The following DGKK variants were observed in gnomAD, a reference collection of about 807,000 sequenced individuals.
DGKK encodes diacylglycerol kinase kappa.
Under a neutral mutation model 92.2 loss-of-function variants are expected in DGKK, and 35 were observed. That is an observed-to-expected ratio of 0.38 (90% CI 0.29 to 0.50). The LOEUF is 0.50. Ranked by LOEUF, DGKK falls within the 20% of genes least tolerant of loss-of-function variation. DGKK has a pLI of 0.92. For synonymous variants in DGKK, 368 were observed against 360.6 expected, an observed-to-expected ratio of 1.02 and a Z score of -0.23; for missense variants, 910 against 992.2, an observed-to-expected ratio of 0.92 and a Z score of 1.11.
chrX:50,375,074 G>A lies in DGKK; in HGVS notation c.3415-17C>T, dbSNP rs1241296861. Reference sequence around the variant, plus strand: ...GCTTAGAGTCTGAGAGGAAAAGAACGGAAAAGGAGAGAAAAAGACAAAGAC... The same window carrying A: ...GCTTAGAGTCTGAGAGGAAAAGAACAGAAAAGGAGAGAAAAAGACAAAGAC... On this transcript the variant is annotated splice_polypyrimidine_tract_variant and intron_variant, in intron 24 of 27. Transcript: ENST00000611977. 5.2e-6 allele frequency: 6 copies of A among 1,158,513 alleles called. No homozygotes were observed. The highest frequency in any genetic ancestry group is 3.0e-5 in the East Asian group (1 of 33,346).
chrX:50,462,030 T>C (rs1557233409), intron 1 of DGKK, among the ~76,000 whole-genome samples: 1 of 111,698 alleles, frequency 9.0e-6, no homozygotes, highest in African/African-American at 3.3e-5. Context: ...AGCAAGAGTG[T>C]CACTGCTTTT....
chrX:50,458,039 CTTTCTT>C (rs781894903), intron 1 of DGKK, among the ~76,000 whole-genome samples: 1 of 110,830 alleles, frequency 9.0e-6, no homozygotes, highest in Non-Finnish European at 1.9e-5. Flanking sequence ...TTGTTTCTTT[CTTTCTT>C]TTTCTTTTTC....
rs59226442 is a variant in DGKK at position 50,422,597 on chromosome X, A to AACACAC, written c.757-77_757-72dup. 2,596 of 349,305 alleles carry AACACAC rather than the reference A, an allele frequency of 7.4e-3. 12 individuals carry two copies. Among genetic ancestry groups the AACACAC allele is most frequent in the African/African-American group, 0.02 (613 of 31,009 alleles). 28.8% of individuals were successfully genotyped at this position (349,305 alleles called of 1,213,427 possible). On this transcript the variant is annotated intron_variant, in intron 2 of 27. Transcript: ENST00000611977. ...TGATGCAAAGAGACATTAAAAGGTA[A>AACACAC]ACACACACACACACACACACACACA...
chrX:50,416,043 T>C, intron 4 of DGKK, among the ~76,000 whole-genome samples: 1 of 111,152 alleles, frequency 9.0e-6, no homozygotes, highest in Non-Finnish European at 1.9e-5. Context: ...ATGAATGAGA[T>C]TAGCACTCTT....
At chrX:50,468,257 G>A (rs186846327) in intron 1 of DGKK, among the ~76,000 whole-genome samples, 1 of 112,041 alleles carries the variant, frequency 8.9e-6, no homozygotes, top group East Asian at 2.8e-4. Flanking sequence ...GAGGCCAAAG[G>A]GGAGATGCAT....
intron 7 of DGKK, among the ~76,000 whole-genome samples, chrX:50,401,633 T>A (rs913842108): frequency 3.6e-5 from 4 of 111,136 alleles, no homozygotes; most frequent in African/African-American, 1.3e-4. Flanking sequence ...GAGACTCTGC[T>A]GCCTTTCCCA....
At chrX:50,423,083 G>A (rs1042209666) in intron 2 of DGKK, among the ~76,000 whole-genome samples, 2 of 112,358 alleles carry the variant, frequency 1.8e-5, no homozygotes. Flanking sequence ...CCCATGTTCA[G>A]AAGGGCCTCA....
At chrX:50,394,227 C>G (rs1875269763) in intron 8 of DGKK, among the ~76,000 whole-genome samples, 1 of 111,932 alleles carries the variant, frequency 8.9e-6, no homozygotes, top group African/African-American at 3.3e-5. Context: ...ATGTGGCTCA[C>G]TCCTCAGTGG....
chrX:50,405,687 G>A (rs782369497), intron 4 of DGKK, among the ~76,000 whole-genome samples: 21 of 111,575 alleles, frequency 1.9e-4, no homozygotes, highest in Non-Finnish European at 3.2e-4. Flanking sequence ...TGCTGGTTAC[G>A]TGCTAAGCTA....
chrX:50,389,817 C>T (rs1924638967), intron 12 of DGKK, among the ~76,000 whole-genome samples: 1 of 110,462 alleles, frequency 9.1e-6, no homozygotes, highest in African/African-American at 3.3e-5. Flanking sequence ...ACACGCTGTT[C>T]CATCTGTGTG....
chrX:50,371,909 C>A, intron 25 of DGKK, 75 bp from the exon 26 acceptor site: 2 of 646,714 alleles, frequency 3.1e-6, no homozygotes, highest in Non-Finnish European at 2.4e-6. Flanking sequence ...CCCCCACTCC[C>A]AGTCCCTGCT....
At chrX:50,461,780 C>A (rs141812873) in intron 1 of DGKK, among the ~76,000 whole-genome samples, 1,872 of 111,997 alleles carry the variant, frequency 0.017, 20 homozygotes, top group Non-Finnish European at 0.025. Context: ...TATCAGTTTA[C>A]GTTTTAAAGA....
At chrX:50,377,868 G>A (rs1452959425) in intron 22 of DGKK, among the ~76,000 whole-genome samples, 1 of 111,405 alleles carries the variant, frequency 9.0e-6, no homozygotes, top group Non-Finnish European at 1.9e-5. Context: ...AGAGTGTCTT[G>A]AGGAGCCTGT....
chrX:50,433,830 A>C (rs1925952460), intron 1 of DGKK, among the ~76,000 whole-genome samples: 2 of 111,181 alleles, frequency 1.8e-5, no homozygotes, highest in African/African-American at 6.5e-5. Flanking sequence ...CTAGAAAAGA[A>C]GCGTTTTGGT....
intron 1 of DGKK, among the ~76,000 whole-genome samples, chrX:50,459,390 G>A (rs945056598): frequency 3.6e-5 from 4 of 110,892 alleles, no homozygotes; most frequent in Non-Finnish European, 5.7e-5. Flanking sequence ...GTCTACCTTT[G>A]TGTTTCATCA....
At chrX:50,452,524 T>G (rs1926519334) in intron 1 of DGKK, among the ~76,000 whole-genome samples, 1 of 112,027 alleles carries the variant, frequency 8.9e-6, no homozygotes, top group Non-Finnish European at 1.9e-5. Flanking sequence ...TCCAACTTGC[T>G]GTGACAACAC....
intron 1 of DGKK, among the ~76,000 whole-genome samples, chrX:50,429,043 G>A (rs7891890): frequency 0.066 from 7,364 of 111,618 alleles, 592 homozygotes; most frequent in African/African-American, 0.23. Flanking sequence ...ACAAGCAAAT[G>A]CATCCTGCCA....
At chrX:50,420,571 G>T (rs1312998793) in intron 3 of DGKK, 64 bp from the exon 4 acceptor site, 7 of 980,586 alleles carry the variant, frequency 7.1e-6, no homozygotes, top group Non-Finnish European at 1.0e-5. Flanking sequence ...AACACAGTCT[G>T]TGAACTCTCT....
chrX:50,452,925 A>T (rs1241758950), intron 1 of DGKK, among the ~76,000 whole-genome samples: 1 of 111,552 alleles, frequency 9.0e-6, no homozygotes, highest in Non-Finnish European at 1.9e-5. Context: ...GTGTGTTTTT[A>T]ATCTCTTAGG....
Sources: gnomAD v4.1 joint callset for allele counts (sites outside exome capture counted in the v4.1 genomes callset) on GRCh38, gnomAD v4.1.1 for gene constraint, MANE v1.5 for transcripts, NCBI Gene and HGNC (gene_info 2026-07-23, HGNC 2026-07-21) for gene names.